Variants in PCDHGA11 observed in about 807,000 individuals in gnomAD.
PCDHGA11 encodes the protein protocadherin gamma subfamily A, 11.
Under a neutral mutation model 60.4 loss-of-function variants are expected in PCDHGA11, and 39 were observed. The observed-to-expected ratio is 0.65, with a 90% confidence interval of 0.50 to 0.84. The LOEUF (loss-of-function observed/expected upper bound fraction) is 0.84. PCDHGA11 is among the 40% of genes least tolerant of loss of function. PCDHGA11 has a pLI of 0.00. For missense variants in PCDHGA11, 1,165 were observed against 1,197.7 expected (o/e 0.97, Z 0.40); for synonymous variants, 533 against 510.3 (o/e 1.04, Z -0.60).
chr5:141,494,926 G>T, intron 2 of PCDHGA11, 61 bp downstream of exon 2: 1 of 1,613,498 alleles, frequency 6.2e-7, no homozygotes, highest in Non-Finnish European at 8.5e-7. Flanking sequence ...GGATGACGTG[G>T]GAGGAGATGG....
Position 141,477,098 on chromosome 5 carries a change from G to A in PCDHGA11, c.2434-17709G>A, listed in dbSNP as rs1562059777. 1.9e-6 allele frequency: 3 copies of A among 1,614,124 alleles called. No individual in the cohort carries two copies. The highest frequency in any genetic ancestry group is 3.3e-5 in the Admixed American group (2 of 60,008). The stretch of plus-strand genomic sequence containing the variant: ...GATTTACATCCAGGCCAAAGACAAG[G>A]GCGCCAATCCCGAAGGAGCACATTG... On this transcript the variant is annotated intron_variant, in intron 1 of 3. Coordinates refer to ENST00000398587, the MANE Select transcript of PCDHGA11 (RefSeq NM_018914.3). This position sits in a 1 kb window ranked among gnomAD's most constrained non-coding sequence, Gnocchi z 4.9.
At position 141,490,124 on chromosome 5, in the gene PCDHGA11, T is replaced by C. The variant is rs1216088470; in HGVS notation, c.2434-4683T>C. On this transcript the variant is annotated intron_variant, in intron 1 of 3. Transcript: ENST00000398587. The surrounding 1 kb of genome is among the most constrained non-coding windows in gnomAD (Gnocchi z 5.4). ...GAGGCAGTGCGGAACCTCTTTGGCCTAGACCCTAGCAGTGGGGCAATCCAT... is the reference window on the plus strand; with the variant it reads ...GAGGCAGTGCGGAACCTCTTTGGCCCAGACCCTAGCAGTGGGGCAATCCAT... 6.2e-7 allele frequency: 1 copy of C among 1,614,144 alleles called. No individual in the cohort carries two copies. Among genetic ancestry groups the C allele is most frequent in the Non-Finnish European group, 8.5e-7 (1 of 1,180,054 alleles).
Position 141,431,041 on chromosome 5 carries a change from G to C in PCDHGA11, c.2433+7381G>C, listed in dbSNP as rs2097339173. On this transcript the variant is annotated intron_variant, in intron 1 of 3. Coordinates refer to ENST00000398587, the MANE Select transcript of PCDHGA11 (RefSeq NM_018914.3). The surrounding 1 kb of genome is among the most constrained non-coding windows in gnomAD (Gnocchi z 4.8). ...CGGCGGGCAGGATAGACCGGGAGGA[G>C]CTCTGTATGGGGGCCATCAAGTGTC... The C allele has an allele frequency of 6.2e-7, 1 of 1,614,116 alleles. No homozygotes were observed. Among genetic ancestry groups the C allele is most frequent in the Non-Finnish European group, 8.5e-7 (1 of 1,180,046 alleles).
chr5:141,497,104 T>C (rs757158984), intron 2 of PCDHGA11, among the ~76,000 whole-genome samples: 44 of 151,910 alleles, frequency 2.9e-4, no homozygotes, highest in Non-Finnish European at 5.9e-4. Context: ...CAGAACTGCT[T>C]GAACCCGGAA....
chr5:141,488,193 T>C (rs1211647195), intron 1 of PCDHGA11, among the ~76,000 whole-genome samples: 1 of 152,122 alleles, frequency 6.6e-6, no homozygotes, highest in Non-Finnish European at 1.5e-5. Flanking sequence ...TTGGTCTGGG[T>C]CTTAGGACTC....
At chr5:141,460,088 A>C (rs1225262213) in intron 1 of PCDHGA11, among the ~76,000 whole-genome samples, 2 of 151,990 alleles carry the variant, frequency 1.3e-5, no homozygotes, top group Non-Finnish European at 2.9e-5. Flanking sequence ...AAAAATAATA[A>C]TTATACATGT....
At chr5:141,424,717 T>G (rs914445969) in intron 1 of PCDHGA11, 1 of 152,202 alleles carries the variant, frequency 6.6e-6, no homozygotes, top group Non-Finnish European at 1.5e-5. Context: ...TCAGTGTAGT[T>G]GGGAGTCATA....
chr5:141,461,371 G>C (rs755281402), intron 1 of PCDHGA11, among the ~76,000 whole-genome samples: 1 of 152,084 alleles, frequency 6.6e-6, no homozygotes, highest in Non-Finnish European at 1.5e-5. Context: ...GTTTTAATTT[G>C]CATTTTCCTG....
At chr5:141,510,277 A>C (rs1242709133) in intron 3 of PCDHGA11, among the ~76,000 whole-genome samples, 5 of 151,916 alleles carry the variant, frequency 3.3e-5, no homozygotes, top group Admixed American at 2.6e-4. Flanking sequence ...CATCTTAAAA[A>C]AAAAAAAAAA....
intron 1 of PCDHGA11, among the ~76,000 whole-genome samples, chr5:141,450,315 G>A (rs1319432573): frequency 1.3e-5 from 2 of 151,918 alleles, no homozygotes; most frequent in African/African-American, 4.8e-5. Context: ...GTGTGGCCTA[G>A]TTGCCATGTC....
rs1354607645 is a variant in PCDHGA11, at chr5:141,433,848, A to C, written c.2433+10188A>C. Among the ~76,000 whole-genome samples, 4 of 152,082 alleles carry C rather than the reference A, an allele frequency of 2.6e-5. No individual in the cohort carries two copies. In the East Asian group the frequency reaches 5.8e-4, roughly 22 times the overall value. ...GTGAAACTCTATCTCAAAAAAAAAA[A>C]AAAAAAACTTTATCCTCTAGTTTCA... On this transcript the variant is annotated intron_variant, in intron 1 of 3. Coordinates refer to ENST00000398587, the MANE Select transcript of PCDHGA11 (RefSeq NM_018914.3).
At chr5:141,494,075 C>T (rs1482844644) in intron 1 of PCDHGA11, among the ~76,000 whole-genome samples, 7 of 152,322 alleles carry the variant, frequency 4.6e-5, no homozygotes, top group East Asian at 1.9e-4. Context: ...GATCCCTCCC[C>T]GCTGCATCCC....
At chr5:141,506,084 C>T (rs1426222889) in intron 3 of PCDHGA11, among the ~76,000 whole-genome samples, 8 of 152,068 alleles carry the variant, frequency 5.3e-5, no homozygotes, top group African/African-American at 1.9e-4. Flanking sequence ...AATAGAGATT[C>T]GGCTAGTGGT....
intron 1 of PCDHGA11, among the ~76,000 whole-genome samples, chr5:141,461,917 G>A (rs527287831): frequency 6.6e-6 from 1 of 152,098 alleles, no homozygotes; most frequent in South Asian, 2.1e-4. Flanking sequence ...TCTGCCTCCT[G>A]GGTTCCAGCA....
chr5:141,486,498 T>C lies in PCDHGA11; in HGVS notation c.2434-8309T>C, dbSNP rs755907391. On this transcript the variant is annotated intron_variant, in intron 1 of 3. Coordinates refer to ENST00000398587, the MANE Select transcript of PCDHGA11 (RefSeq NM_018914.3). The surrounding 1 kb of genome is among the most constrained non-coding windows in gnomAD (Gnocchi z 5.0). The stretch of plus-strand genomic sequence containing the variant: ...CCTCTCAGTACCCACAGAACTATTT[T>C]CCTCAATATTTCAGATGTGAATGAT... 6.2e-7 allele frequency: 1 copy of C among 1,614,030 alleles called. No individual in the cohort carries two copies. The highest frequency in any genetic ancestry group is 8.5e-7 in the Non-Finnish European group (1 of 1,179,874).
Position 141,422,873 on chromosome 5 carries a change from T to C in PCDHGA11, c.1646T>C (p.Leu549Pro), listed in dbSNP as rs1474438774. Residue 549 changes from leucine (L) to proline (P), a missense_variant, in exon 1 of 4, where the codon CTG becomes CCG. Leu to Pro is a moderately conservative substitution (Grantham distance 98, BLOSUM62 -3). Transcript: ENST00000398587. ...CCGCCCCTCAGCAGCAACGTGTCGC[T>C]GAGCCTGTTCGTGCTGGACCAGAAC... The part of the protein sequence containing the change: ...GDPPLSSNVS[L>P]SLFVLDQNDN... 1 of 1,614,158 alleles carries C rather than the reference T, an allele frequency of 6.2e-7. No homozygotes were observed. Among genetic ancestry groups the C allele is most frequent in the Admixed American group, 1.7e-5 (1 of 60,034 alleles).
At chr5:141,467,767 C>T (rs72790060) in intron 1 of PCDHGA11, among the ~76,000 whole-genome samples, 25,555 of 151,632 alleles carry the variant, frequency 0.17, 2,195 homozygotes, top group South Asian at 0.22. Context: ...GCTCAAGTGC[C>T]CGCACCTCAG....
At position 141,477,898 on chromosome 5, in the gene PCDHGA11, A is replaced by C; in HGVS notation, c.2434-16909A>C. The C allele has an allele frequency of 6.2e-7, 1 of 1,614,158 alleles. No individual in the cohort carries two copies. Among genetic ancestry groups the C allele is most frequent in the East Asian group, 2.2e-5 (1 of 44,864 alleles). ...CTGGCCACCTAGTGTCACGGGTGGT[A>C]GGCTGGGACGCGGATGCAGGGCACA... On this transcript the variant is annotated intron_variant, in intron 1 of 3. Transcript: ENST00000398587. This position sits in a 1 kb window ranked among gnomAD's most constrained non-coding sequence, Gnocchi z 4.9.
chr5:141,496,163 A>T (rs1249396595), intron 2 of PCDHGA11, among the ~76,000 whole-genome samples: 2 of 150,100 alleles, frequency 1.3e-5, no homozygotes, highest in Non-Finnish European at 3.0e-5. Flanking sequence ...TCCACCAGAC[A>T]CCCTCCCATC....
Sources: allele counts gnomAD v4.1 joint callset (sites outside exome capture counted in the v4.1 genomes callset), GRCh38; gene constraint gnomAD v4.1.1; non-coding constraint Gnocchi (gnomAD v3.1); transcripts MANE v1.5; gene names NCBI Gene and HGNC (gene_info 2026-07-23, HGNC 2026-07-21).